The following CDKN2A variants were observed in gnomAD, a reference collection of about 807,000 sequenced individuals.
The protein encoded by CDKN2A is cyclin dependent kinase inhibitor 2A.
A neutral mutation model predicts 11.1 loss-of-function variants in CDKN2A; 3 were observed. The observed-to-expected ratio is 0.27, with a 90% CI of 0.12 to 0.70. The LOEUF is 0.70. Among genes scored for constraint, CDKN2A ranks in the 30% least tolerant of loss-of-function variants. CDKN2A has a pLI of 0.77. For missense variants in CDKN2A, 265 were observed against 233.6 expected (o/e 1.13, Z -0.88); for synonymous variants, 122 against 108.1 (o/e 1.13, Z -0.80).
intron 2 of CDKN2A, 84 bp downstream of exon 2, chr9:21,970,818 G>A (rs908755333): frequency 1.6e-5 from 25 of 1,542,558 alleles, no homozygotes; most frequent in Admixed American, 1.2e-4. Flanking sequence ...CTGGTCTCCC[G>A]GGCTGAACTT....
exon 2 of CDKN2A, chr9:21,994,029 T>C: frequency 7.9e-7 from 1 of 1,271,626 alleles, no homozygotes; most frequent in Non-Finnish European, 1.1e-6. Flanking sequence ...CACCGGCGGT[T>C]ATCTCCTCCT....
rs764853658 is a variant in CDKN2A at position 21,974,618 on chromosome 9, A to G, written c.150+60T>C. On this transcript the variant is annotated intron_variant, in intron 1 of 2. Coordinates refer to ENST00000304494, the MANE Select transcript of CDKN2A (RefSeq NM_000077.5). This position sits in a 1 kb window ranked among gnomAD's most constrained non-coding sequence, Gnocchi z 5.2. ...CGCTACCTGATTCCAATTCCCCTGC[A>G]AACTTCGTCCTCCAGAGTCGCCCGC... 1.9e-6 allele frequency: 3 copies of G among 1,614,146 alleles called. No individual in the cohort carries two copies. The highest frequency in any genetic ancestry group is 2.5e-6 in the Non-Finnish European group (3 of 1,180,014).
intron 2 of CDKN2A, chr9:21,969,811 G>C (rs1262250859): frequency 2.5e-6 from 1 of 398,228 alleles, no homozygotes; most frequent in Non-Finnish European, 4.4e-6. Context: ...GAATTGGCGG[G>C]GGGGAGGGGA....
At chr9:21,971,239 G>C in intron 1 of CDKN2A, 31 bp from the exon 2 acceptor site, 2 of 1,589,012 alleles carry the variant, frequency 1.3e-6, no homozygotes, top group Admixed American at 1.7e-5. Context: ...GTCAGAGCCA[G>C]GGTGGGGGCC....
intron 2 of CDKN2A, chr9:21,969,827 G>C (rs1159431072): frequency 2.5e-6 from 1 of 397,922 alleles, no homozygotes; most frequent in African/African-American, 2.1e-5. Context: ...GGGGAGGAGG[G>C]GCCGAGTAAA....
At chr9:21,986,769 T>G (rs1179409792) in intron 2 of CDKN2A, among the ~76,000 whole-genome samples, 1 of 152,092 alleles carries the variant, frequency 6.6e-6, no homozygotes, top group Admixed American at 6.6e-5. Context: ...CTTTTAAAAA[T>G]TAAATGTTAA....
intron 2 of CDKN2A, among the ~76,000 whole-genome samples, chr9:21,987,514 T>A (rs1381743522): frequency 1.3e-5 from 2 of 151,788 alleles, no homozygotes; most frequent in African/African-American, 2.4e-5. Context: ...AAAGACAACG[T>A]ATCTTATATA....
At chr9:21,979,311 A>T (rs1820119363), upstream of CDKN2A, among the ~76,000 whole-genome samples, 1 of 152,212 alleles carries the variant, frequency 6.6e-6, no homozygotes, top group Non-Finnish European at 1.5e-5. Flanking sequence ...CACTGCGTTG[A>T]CTACTCTTTC....
intron 2 of CDKN2A, chr9:21,993,799 C>CTGTG (rs71336508): frequency 0.041 from 10,047 of 247,172 alleles, 225 homozygotes; most frequent in Admixed American, 0.067. Context: ...ACCTTTCCTA[C>CTGTG]TGTGTGTGTG....
At chr9:21,970,445 G>C in intron 2 of CDKN2A, 1 of 365,252 alleles carries the variant, frequency 2.7e-6, no homozygotes, top group South Asian at 4.1e-5. Flanking sequence ...GAGATCGAGA[G>C]ATCTCCAGAT....
At chr9:21,986,086 T>G (rs2131134104) in intron 2 of CDKN2A, among the ~76,000 whole-genome samples, 1 of 152,158 alleles carries the variant, frequency 6.6e-6, no homozygotes, top group African/African-American at 2.4e-5. Flanking sequence ...GGGTCTCAGG[T>G]TTACAGATGA....
In CDKN2A at chr9:21,968,814, C is replaced by T. The variant is rs2131082820; in HGVS notation, c.458-572G>A. 6.5e-7 allele frequency: 1 copy of T among 1,530,518 alleles called. No individual in the cohort carries two copies. Among genetic ancestry groups the T allele is most frequent in the East Asian group, 2.4e-5 (1 of 40,880 alleles). The allele number at this position is 1,530,518 out of a possible 1,614,324, so 94.8% of individuals were successfully genotyped here. The stretch of plus-strand genomic sequence containing the variant: ...CTCATTTATTCATGTGCTCTGGCTT[C>T]TGCCTTCCTCTCTAATCTCGTTGCG... On this transcript the variant is annotated intron_variant, in intron 2 of 2. Coordinates refer to ENST00000304494, the MANE Select transcript of CDKN2A (RefSeq NM_000077.5). The surrounding 1 kb of genome is among the most constrained non-coding windows in gnomAD (Gnocchi z 4.7).
intron 2 of CDKN2A, chr9:21,970,619 G>C (rs908708595): frequency 1.0e-5 from 6 of 601,084 alleles, no homozygotes; most frequent in Non-Finnish European, 1.8e-5. Flanking sequence ...CGCAGTCTAG[G>C]CCTTGAACTA....
chr9:21,980,187 A>C (rs1820138410), intron 2 of CDKN2A, among the ~76,000 whole-genome samples: 1 of 150,858 alleles, frequency 6.6e-6, no homozygotes, highest in Non-Finnish European at 1.5e-5. Flanking sequence ...TTCATTGTCC[A>C]TAATTTTCAA....
Position 21,968,149 on chromosome 9 carries a change from G to GGGGCA in CDKN2A, c.*75_*79dup. ...TACGAAAGCGGGGTGGGTTGTGGCG[G>GGGGCA]GGGCAGTTGTGGCCCTGTAGGACCT... On this transcript the variant is annotated 3_prime_UTR_variant, in exon 3 of 3. Coordinates refer to ENST00000304494, the MANE Select transcript of CDKN2A (RefSeq NM_000077.5). This position sits in a 1 kb window ranked among gnomAD's most constrained non-coding sequence, Gnocchi z 4.7. 2.5e-6 allele frequency: 3 copies of GGGGCA among 1,192,258 alleles called. No individual in the cohort carries two copies. The highest frequency in any genetic ancestry group is 2.5e-6 in the Non-Finnish European group (2 of 807,706). 73.9% of individuals were successfully genotyped at this position (1,192,258 alleles called of 1,614,324 possible). A position where few individuals can be genotyped will look rare whatever the true frequency, so the allele number is the denominator to read the frequency against.
chr9:21,993,993 CGTT>C, exon 2 of CDKN2A: 6 of 851,390 alleles, frequency 7.0e-6, no homozygotes, highest in Admixed American at 2.0e-5. Flanking sequence ...ATGTCTAAGT[CGTT>C]GTAACCCGAA....
intron 2 of CDKN2A, among the ~76,000 whole-genome samples, chr9:21,982,334 G>A (rs1332004707): frequency 6.6e-6 from 1 of 152,024 alleles, no homozygotes; most frequent in Non-Finnish European, 1.5e-5. Flanking sequence ...TATATAGCAG[G>A]TATCTTTTCT....
intron 1 of CDKN2A, among the ~76,000 whole-genome samples, chr9:21,973,028 A>C (rs1819844229): frequency 6.6e-6 from 1 of 152,174 alleles, no homozygotes; most frequent in Non-Finnish European, 1.5e-5. Context: ...AAAGAGACAA[A>C]GAGAAAGTAT....
Position 21,991,732 on chromosome 9 carries a change from C to T in CDKN2A, c.-4+2150G>A, listed in dbSNP as rs1267706396. 2 of 984,150 alleles carry T rather than the reference C, an allele frequency of 2.0e-6. No homozygotes were observed. Among genetic ancestry groups the T allele is most frequent in the Non-Finnish European group, 2.4e-6 (2 of 828,980 alleles). The allele number at this position is 984,150 out of a possible 1,614,324, so 61.0% of individuals were successfully genotyped here. On this transcript the variant is annotated intron_variant, in intron 2 of 3. Coordinates refer to the CDKN2A transcript ENST00000494262. The surrounding 1 kb of genome is among the most constrained non-coding windows in gnomAD (Gnocchi z 5.2). ...GGCTATGTTGTTGCTACCTTAGGATCATAATGGACTTTCTAAAATTCAAGA... is the reference window on the plus strand; with the variant it reads ...GGCTATGTTGTTGCTACCTTAGGATTATAATGGACTTTCTAAAATTCAAGA...
Sources: gnomAD v4.1 joint callset for allele counts (sites outside exome capture counted in the v4.1 genomes callset) on GRCh38, gnomAD v4.1.1 for gene constraint, Gnocchi (gnomAD v3.1) non-coding constraint, MANE v1.5 for transcripts, NCBI Gene and HGNC (gene_info 2026-07-23, HGNC 2026-07-21) for gene names.